LRP3: variants seen among roughly 807,000 people sequenced by gnomAD.
LRP3 encodes LDL receptor related protein 3, also known as low-density lipoprotein receptor-related protein 3.
LRP3 carries 49 observed loss-of-function variants against 58.5 expected under a neutral mutation model. The observed-to-expected ratio is 0.84, with a 90% CI of 0.67 to 1.06. The LOEUF is 1.06. LRP3 is among the 50% of genes least tolerant of loss of function. LRP3 has a pLI of 0.00. For missense variants in LRP3, 1,019 were observed against 1,134.2 expected (o/e 0.90, Z 1.46); for synonymous variants, 485 against 492.2 (o/e 0.99, Z 0.20).
chr19:33,207,190 C>T lies in LRP3; in HGVS notation c.1928C>T (p.Ala643Val). The change falls in exon 7 of 7, where the codon GCT becomes GTT. Residue 643 changes from alanine (A) to valine (V), a missense_variant. Around this residue, in one of 2 missense-constraint regions of LRP3, gnomAD observed 427 missense variants for 408.6 expected, o/e 1.04. Coordinates refer to ENST00000253193, the MANE Select transcript of LRP3 (RefSeq NM_002333.4). Reference protein sequence around the residue: ...TVLGDGFLQPAPGAAPDPPAP... With the variant: ...TVLGDGFLQPVPGAAPDPPAP... The stretch of plus-strand genomic sequence containing the variant: ...CTGGGCGATGGCTTCCTCCAGCCTG[C>T]TCCAGGGGCTGCCCCCGACCCCCCA... 6.4e-7 allele frequency: 1 copy of T among 1,551,814 alleles called. No homozygotes were observed. The highest frequency in any genetic ancestry group is 8.7e-7 in the Non-Finnish European group (1 of 1,153,710).
Position 33,207,653 on chromosome 19 carries a change from G to T in LRP3, c.*78G>T. On this transcript the variant is annotated 3_prime_UTR_variant, in exon 7 of 7. Transcript: ENST00000253193. The stretch of plus-strand genomic sequence containing the variant: ...ACAGTCATTTCTACCCTGCCTCTGC[G>T]TCCTTTCTTATGGAGAGGCCCTCCG... 3 of 1,190,802 alleles carry T rather than the reference G, an allele frequency of 2.5e-6. No individual in the cohort carries two copies. The highest frequency in any genetic ancestry group is 3.6e-6 in the Non-Finnish European group (3 of 828,860). 73.8% of individuals were successfully genotyped at this position (1,190,802 alleles called of 1,614,324 possible). A position where few individuals can be genotyped will look rare whatever the true frequency, so the allele number is the denominator to read the frequency against.
intron 4 of LRP3, 25 bp from the exon 5 acceptor site, chr19:33,205,221 C>A: frequency 6.3e-7 from 1 of 1,596,784 alleles, no homozygotes; most frequent in East Asian, 2.3e-5. Context: ...TCCTGACTGT[C>A]CCCTGCTACG....
At chr19:33,195,675 C>T (rs1051978741) in intron 1 of LRP3, among the ~76,000 whole-genome samples, 2 of 152,206 alleles carry the variant, frequency 1.3e-5, no homozygotes, top group Admixed American at 1.3e-4. Context: ...ACCCCCAGGC[C>T]TCAGGGAGCT....
At chr19:33,201,756 CT>C (rs1974343745) in intron 2 of LRP3, among the ~76,000 whole-genome samples, 1 of 151,982 alleles carries the variant, frequency 6.6e-6, no homozygotes, top group Non-Finnish European at 1.5e-5. Flanking sequence ...GGTCAGGGTG[CT>C]GTGGGGTGGG....
In LRP3 at chr19:33,205,896, G is replaced by A. The variant is rs762390371; in HGVS notation, c.1126G>A (p.Gly376Arg). The A allele has an allele frequency of 1.3e-5, 21 of 1,606,912 alleles. No individual in the cohort carries two copies. Among genetic ancestry groups the A allele is most frequent in the East Asian group, 1.1e-4 (5 of 44,618 alleles). ...TTGCCTCCCCTGGGAGCAGCCGTGC[G>A]GGAGCAGTAGTGACAGTGACGGGGG... ...GYCLPWEQPC[G>R]SSSDSDGGSL... Residue 376 changes from glycine (G) to arginine (R), a missense_variant, in exon 5 of 7, where the codon GGG (glycine) becomes AGG (arginine). This residue lies in a region of LRP3 where 592 missense variants were observed against 725.5 expected (regional missense o/e 0.82). Coordinates refer to ENST00000253193, the MANE Select transcript of LRP3 (RefSeq NM_002333.4).
intron 2 of LRP3, among the ~76,000 whole-genome samples, chr19:33,199,987 T>C (rs1696577915): frequency 6.6e-6 from 1 of 152,176 alleles, no homozygotes; most frequent in Admixed American, 6.5e-5. Flanking sequence ...GACAGCGCCT[T>C]GCCCTGCCCC....
rs200053026 is a variant in LRP3, at chr19:33,206,377, C to T, written c.1592+15C>T. 8.9e-5 allele frequency: 143 copies of T among 1,603,282 alleles called. No homozygotes were observed. The highest frequency in any genetic ancestry group is 4.7e-4 in the Admixed American group (28 of 59,790). On this transcript the variant is annotated intron_variant, in intron 5 of 6. Transcript: ENST00000253193. ...CAGGAATACAGGTGGGCGCTGTGCC[C>T]GCAGCCAGGGGACCGGGCTTCTTCA...
chr19:33,202,731 C>T, intron 2 of LRP3, 117 bp from the exon 3 acceptor site: 1 of 1,258,214 alleles, frequency 7.9e-7, no homozygotes, highest in African/African-American at 1.5e-5. Context: ...CATGGCCACC[C>T]TTGGCTGGAC....
rs756396873 is a variant in LRP3 at position 33,205,619 on chromosome 19, G to A, written c.849G>A (p.Thr283=). 1.9e-6 allele frequency: 3 copies of A among 1,611,254 alleles called. No homozygotes were observed. The highest frequency in any genetic ancestry group is 1.7e-5 in the Admixed American group (1 of 59,968). Residue 283 remains threonine, a synonymous_variant, in exon 5 of 7, where the codon ACG becomes ACA. Transcript: ENST00000253193. ...GCGGGCCCTCAGACCTTCACTGCAC[G>A]TGGCTGGTGGACACACAGGACTCCC... ...AARGPSDLHC[T]WLVDTQDSRR...
chr19:33,195,955 G>A (rs922013656), intron 1 of LRP3, among the ~76,000 whole-genome samples: 1 of 152,130 alleles, frequency 6.6e-6, no homozygotes, highest in Non-Finnish European at 1.5e-5. Context: ...CTGGCCAGGC[G>A]GGATCTGACA....
At chr19:33,198,347 C>T (rs1974306806) in intron 2 of LRP3, among the ~76,000 whole-genome samples, 1 of 152,156 alleles carries the variant, frequency 6.6e-6, no homozygotes. Context: ...TGCTGTTCAC[C>T]CCTGGTGCCC....
chr19:33,207,656 C>T lies in LRP3; in HGVS notation c.*81C>T. 8.6e-7 allele frequency: 1 copy of T among 1,166,770 alleles called. No individual in the cohort carries two copies. The highest frequency in any genetic ancestry group is 1.2e-6 in the Non-Finnish European group (1 of 807,708). The allele number at this position is 1,166,770 out of a possible 1,614,324, so 72.3% of individuals were successfully genotyped here. A position where few individuals can be genotyped will look rare whatever the true frequency, so the allele number is the denominator to read the frequency against. ...GTCATTTCTACCCTGCCTCTGCGTC[C>T]TTTCTTATGGAGAGGCCCTCCGGGG... is the stretch of plus-strand genomic sequence containing the variant. On this transcript the variant is annotated 3_prime_UTR_variant, in exon 7 of 7. Transcript: ENST00000253193.
In LRP3 at chr19:33,206,621, C is replaced by T. The variant is rs376711303; in HGVS notation, c.1613C>T (p.Thr538Met). The change falls in exon 6 of 7, where the codon ACG becomes ATG. Residue 538 changes from threonine (T) to methionine (M), a missense_variant. Around this residue, in one of 2 missense-constraint regions of LRP3, gnomAD observed 427 missense variants for 408.6 expected, o/e 1.04. Coordinates refer to ENST00000253193, the MANE Select transcript of LRP3 (RefSeq NM_002333.4). ...TCTAGGGCCTTCGAGACCCAGATGACGCGCCTGGAGGCTGAGTTCGTGCGG... is the reference window on the plus strand; with the variant it reads ...TCTAGGGCCTTCGAGACCCAGATGATGCGCCTGGAGGCTGAGTTCGTGCGG... ...QEYRAFETQM[T>M]RLEAEFVRRE... 20 of 1,607,644 alleles carry T rather than the reference C, an allele frequency of 1.2e-5. No individual in the cohort carries two copies. The highest frequency in any genetic ancestry group is 1.7e-5 in the Admixed American group (1 of 59,078).
At chr19:33,196,702 C>T (rs761029352) in intron 1 of LRP3, 28 bp from the exon 2 acceptor site, 5 of 1,613,132 alleles carry the variant, frequency 3.1e-6, no homozygotes, top group Non-Finnish European at 3.4e-6. Flanking sequence ...ATGTGGGACC[C>T]CTGACCCTTT....
chr19:33,208,684 T>C lies in LRP3; in HGVS notation c.*1109T>C, dbSNP rs1974460808. On this transcript the variant is annotated 3_prime_UTR_variant, in exon 7 of 7. Transcript: ENST00000253193. The surrounding 1 kb of genome is among the most constrained non-coding windows in gnomAD (Gnocchi z 4.7). The stretch of plus-strand genomic sequence containing the variant: ...CGAGCGAACAGCCAGCCCTGTTTAT[T>C]TATAGGCCTTTTCAGGAAGAGCTAG... The C allele has an allele frequency of 1.5e-6, 1 of 650,018 alleles. No individual in the cohort carries two copies. The highest frequency in any genetic ancestry group is 2.6e-6 in the Non-Finnish European group (1 of 382,110). 40.3% of individuals were successfully genotyped at this position (650,018 alleles called of 1,614,324 possible). A position where few individuals can be genotyped will look rare whatever the true frequency, so the allele number is the denominator to read the frequency against.
At chr19:33,206,789 G>A in intron 6 of LRP3, 56 bp downstream of exon 6, 1 of 1,483,810 alleles carries the variant, frequency 6.7e-7, no homozygotes, top group African/African-American at 1.4e-5. Flanking sequence ...AGTGTGCGGA[G>A]GAGGCTGGTC....
At chr19:33,205,176 C>G in intron 4 of LRP3, 70 bp from the exon 5 acceptor site, 4 of 1,527,446 alleles carry the variant, frequency 2.6e-6, no homozygotes, top group Non-Finnish European at 3.5e-6. Flanking sequence ...CGCTTTTGGC[C>G]CCAGGCCCCC....
Position 33,205,688 on chromosome 19 carries a change from C to T in LRP3, c.918C>T (p.Asp306=), listed in dbSNP as rs1321274383. Residue 306 remains aspartate (D), a synonymous_variant, in exon 5 of 7, where the codon GAC becomes GAT. Transcript: ENST00000253193. The part of the protein sequence containing the change: ...LQLELRLGYD[D]YVQVYEGLGE... ...TGGAACTGCGGCTGGGCTATGACGA[C>T]TACGTGCAGGTATACGAGGGCCTGG... The T allele has an allele frequency of 3.8e-5, 61 of 1,607,184 alleles. No individual in the cohort carries two copies. The highest frequency in any genetic ancestry group is 8.0e-5 in the African/African-American group (6 of 74,908).
intron 3 of LRP3, 150 bp from the exon 4 acceptor site, chr19:33,204,488 G>C (rs1051243853): frequency 1.4e-5 from 9 of 659,988 alleles, no homozygotes; most frequent in Non-Finnish European, 2.4e-5. Flanking sequence ...GGAGGAACCA[G>C]GCAGTCTGGA....
Sources: gnomAD v4.1 joint callset for allele counts (sites outside exome capture counted in the v4.1 genomes callset) on GRCh38, gnomAD v4.1.1 for gene constraint, gnomAD v4.1.1 regional missense constraint, Gnocchi (gnomAD v3.1) non-coding constraint, MANE v1.5 for transcripts, NCBI Gene and HGNC (gene_info 2026-07-23, HGNC 2026-07-21) for gene names.